ROBO2: variants seen among roughly 807,000 people sequenced by gnomAD.
ROBO2 encodes roundabout homolog 2.
ROBO2 carries 53 observed loss-of-function variants against 160.8 expected under a neutral mutation model. The observed-to-expected ratio is 0.33, with a 90% CI of 0.26 to 0.41. The LOEUF (loss-of-function observed/expected upper bound fraction) is 0.41, where lower values mean the gene tolerates loss of function less well. ROBO2 is among the 10% of genes least tolerant of loss of function. The pLI is 1.00. For synonymous variants in ROBO2, 664 were observed against 611.7 expected, an observed-to-expected ratio of 1.09 and a Z score of -1.26; for missense variants, 1,577 against 1,722.4, an observed-to-expected ratio of 0.92 and a Z score of 1.49.
chr3:76,936,149 A>C (rs1453919259), intron 2 of ROBO2, among the ~76,000 whole-genome samples: 1 of 152,184 alleles, frequency 6.6e-6, no homozygotes, highest in Non-Finnish European at 1.5e-5. Context: ...ATATGGAAAG[A>C]AAGAAAAAAG....
At chr3:77,291,865 A>G (rs1324517652) in intron 2 of ROBO2, among the ~76,000 whole-genome samples, 1 of 151,948 alleles carries the variant, frequency 6.6e-6, no homozygotes, top group Non-Finnish European at 1.5e-5. Context: ...ATCACCCCAG[A>G]CATAAAGTAA....
chr3:76,123,776 T>C (rs2070850701), intron 2 of ROBO2, among the ~76,000 whole-genome samples: 2 of 152,178 alleles, frequency 1.3e-5, no homozygotes, highest in Non-Finnish European at 2.9e-5. Flanking sequence ...CTCTGGTGTA[T>C]TAGCTTCGTC....
At chr3:76,714,721 A>G (rs75732342) in intron 2 of ROBO2, among the ~76,000 whole-genome samples, 1,596 of 152,292 alleles carry the variant, frequency 0.01, 31 homozygotes, top group African/African-American at 0.036. Flanking sequence ...GGATAAAGAT[A>G]TACATTAAAA....
chr3:76,483,310 A>C (rs375001536), intron 2 of ROBO2, among the ~76,000 whole-genome samples: 1 of 148,800 alleles, frequency 6.7e-6, no homozygotes, highest in Non-Finnish European at 1.5e-5. Flanking sequence ...AACTGTCATT[A>C]TTTTTTTTTT....
intron 2 of ROBO2, among the ~76,000 whole-genome samples, chr3:76,515,718 T>C (rs1210681425): frequency 1.3e-5 from 2 of 152,208 alleles, no homozygotes; most frequent in African/African-American, 4.8e-5. Context: ...GAACAGTTAT[T>C]GTCTTTAATA....
chr3:77,487,700 G>C (rs1211045546), intron 4 of ROBO2, among the ~76,000 whole-genome samples: 2 of 152,050 alleles, frequency 1.3e-5, no homozygotes, highest in Admixed American at 6.5e-5. Context: ...GGTCTTTCTG[G>C]GTGAGCTGAA....
intron 1 of ROBO2, among the ~76,000 whole-genome samples, chr3:77,054,445 G>C (rs191467610): frequency 8.7e-4 from 132 of 152,250 alleles, no homozygotes; most frequent in African/African-American, 3.1e-3. Flanking sequence ...GAAGTCAAGG[G>C]TCTTCCTTCC....
chr3:77,230,657 T>G (rs1366685151), intron 2 of ROBO2, among the ~76,000 whole-genome samples: 4 of 152,200 alleles, frequency 2.6e-5, no homozygotes, highest in African/African-American at 9.7e-5. Context: ...ATCTGAAAAT[T>G]GTTTTGTTTC....
chr3:76,698,509 A>G (rs2092980647), intron 2 of ROBO2, among the ~76,000 whole-genome samples: 1 of 152,160 alleles, frequency 6.6e-6, no homozygotes, highest in Non-Finnish European at 1.5e-5. Context: ...TGCTGGAAAG[A>G]GATATGCACG....
chr3:77,600,942 C>T (rs2094417770), intron 19 of ROBO2, among the ~76,000 whole-genome samples: 1 of 152,210 alleles, frequency 6.6e-6, no homozygotes, highest in East Asian at 1.9e-4. Flanking sequence ...TTCACTGATA[C>T]ACATTTAAGA....
intron 2 of ROBO2, among the ~76,000 whole-genome samples, chr3:76,148,002 A>T (rs1577054199): frequency 6.6e-6 from 1 of 152,044 alleles, no homozygotes; most frequent in Admixed American, 6.6e-5. Flanking sequence ...GGATTCTAGG[A>T]TAATAGGCAC....
At chr3:76,444,756 C>A (rs1008720447) in intron 2 of ROBO2, among the ~76,000 whole-genome samples, 12 of 152,134 alleles carry the variant, frequency 7.9e-5, no homozygotes, top group Admixed American at 3.9e-4. Flanking sequence ...CAAAGCCTAA[C>A]CATATCAAGG....
intron 2 of ROBO2, among the ~76,000 whole-genome samples, chr3:77,371,174 A>G (rs1257044745): frequency 1.3e-5 from 2 of 152,220 alleles, no homozygotes; most frequent in Non-Finnish European, 2.9e-5. Context: ...TTTATGTTCC[A>G]GGGATCAAGG....
intron 2 of ROBO2, among the ~76,000 whole-genome samples, chr3:77,388,586 T>G (rs964439520): frequency 2.6e-5 from 4 of 152,224 alleles, no homozygotes; most frequent in African/African-American, 9.6e-5. Context: ...TTATTGTAAT[T>G]TTCTAATGTT....
At chr3:77,325,387 A>T (rs976525428) in intron 2 of ROBO2, among the ~76,000 whole-genome samples, 3 of 152,208 alleles carry the variant, frequency 2.0e-5, no homozygotes, top group African/African-American at 7.2e-5. Context: ...CGTTAGTTAT[A>T]CCAGAGCAGA....
At chr3:77,430,645 T>C (rs2078673567) in intron 2 of ROBO2, among the ~76,000 whole-genome samples, 1 of 151,914 alleles carries the variant, frequency 6.6e-6, no homozygotes. Flanking sequence ...GAGAGCTGCC[T>C]TGCTCCTTCC....
chr3:77,096,847 A>T (rs1258226999), intron 1 of ROBO2, among the ~76,000 whole-genome samples: 1 of 152,164 alleles, frequency 6.6e-6, no homozygotes, highest in Non-Finnish European at 1.5e-5. Flanking sequence ...GTGCATGGTG[A>T]TATACCAAAT....
chr3:76,255,695 A>G (rs1460259015), intron 2 of ROBO2, among the ~76,000 whole-genome samples: 1 of 152,154 alleles, frequency 6.6e-6, no homozygotes, highest in Non-Finnish European at 1.5e-5. Flanking sequence ...TAAGAGTTCA[A>G]TCGAAAATCA....
At chr3:76,258,704 G>T (rs1706554652) in intron 2 of ROBO2, among the ~76,000 whole-genome samples, 1 of 151,942 alleles carries the variant, frequency 6.6e-6, no homozygotes, top group Middle Eastern at 3.4e-3. Flanking sequence ...GCTTATTTTA[G>T]TTCTCTTGTT....
Sources: allele counts gnomAD v4.1 joint callset (sites outside exome capture counted in the v4.1 genomes callset), GRCh38; gene constraint gnomAD v4.1.1; transcripts MANE v1.5; gene names NCBI Gene and HGNC (gene_info 2026-07-23, HGNC 2026-07-21).